FAR1: variants seen among roughly 807,000 people sequenced by gnomAD.
The protein encoded by FAR1 is male sterility domain-containing protein 2.
A neutral mutation model predicts 61.1 loss-of-function variants in FAR1; 22 were observed. That is an observed-to-expected ratio of 0.36 (90% CI 0.26 to 0.51). FAR1 has a LOEUF of 0.51. Ranked by LOEUF, FAR1 falls within the 20% of genes least tolerant of loss-of-function variation. The probability of loss-of-function intolerance (pLI) is 0.95; values close to 1 mark genes in which losing one functional copy is unlikely to be tolerated. For synonymous variants in FAR1, 206 were observed against 209.7 expected (o/e 0.98, Z 0.15); for missense variants, 359 against 626.9 (o/e 0.57, Z 4.56).
In FAR1 at chr11:13,731,035, T is replaced by G. The variant is rs907768072; in HGVS notation, c.*2261T>G. 1 of 152,198 alleles carries G rather than the reference T, an allele frequency of 6.6e-6. No individual in the cohort carries two copies. The highest frequency in any genetic ancestry group is 1.5e-5 in the Non-Finnish European group (1 of 68,010). The allele number at this position is 152,198 out of a possible 1,614,324, so 9.4% of individuals were successfully genotyped here. A position where few individuals can be genotyped will look rare whatever the true frequency, so the allele number is the denominator to read the frequency against. ...GTTTGATTATATTTCCTACACAAACTTCTTATTTAACAGGATAGCCTACTA... is the reference window on the plus strand; with the variant it reads ...GTTTGATTATATTTCCTACACAAACGTCTTATTTAACAGGATAGCCTACTA... On this transcript the variant is annotated 3_prime_UTR_variant, in exon 12 of 12. Coordinates refer to ENST00000354817, the MANE Select transcript of FAR1 (RefSeq NM_032228.6).
intron 2 of FAR1, among the ~76,000 whole-genome samples, chr11:13,699,021 T>C (rs1292457328): frequency 6.6e-6 from 1 of 152,170 alleles, no homozygotes; most frequent in Non-Finnish European, 1.5e-5. Flanking sequence ...TAATGCCTTC[T>C]GATTTCTAAG....
Position 13,731,386 on chromosome 11 carries a change from GTTT to G in FAR1, c.*2615_*2617del, listed in dbSNP as rs1305651687. On this transcript the variant is annotated 3_prime_UTR_variant, in exon 12 of 12. Transcript: ENST00000354817. ...GAATTAACTTGGGATTGTTTTGTGG[GTTT>G]TTGTTTGTTTTAAATGTAAATTGAG... 1 of 152,440 alleles carries G rather than the reference GTTT, an allele frequency of 6.6e-6. No homozygotes were observed. The highest frequency in any genetic ancestry group is 1.5e-5 in the Non-Finnish European group (1 of 67,978). 9.4% of individuals were successfully genotyped at this position (152,440 alleles called of 1,614,324 possible).
At chr11:13,708,556 TAATG>T (rs1256144939) in intron 4 of FAR1, among the ~76,000 whole-genome samples, 3 of 152,002 alleles carry the variant, frequency 2.0e-5, no homozygotes, top group Admixed American at 2.0e-4. Flanking sequence ...AAATAAATGT[TAATG>T]AAGTCAATGT....
intron 1 of FAR1, among the ~76,000 whole-genome samples, chr11:13,681,987 C>T (rs1460782347): frequency 2.0e-5 from 3 of 152,182 alleles, no homozygotes; most frequent in African/African-American, 7.2e-5. Flanking sequence ...CTCTTCTTCA[C>T]TTGTAGTCTT....
chr11:13,726,695 A>G (rs1488213988), intron 10 of FAR1, among the ~76,000 whole-genome samples: 3 of 148,118 alleles, frequency 2.0e-5, no homozygotes, highest in African/African-American at 7.4e-5. Flanking sequence ...GAAAATTTCC[A>G]GGCATTGTCT....
At chr11:13,710,066 T>C (rs1848480640) in intron 4 of FAR1, among the ~76,000 whole-genome samples, 1 of 152,110 alleles carries the variant, frequency 6.6e-6, no homozygotes, top group Admixed American at 6.5e-5. Context: ...AATTTATTTT[T>C]ATTGTTCATC....
intron 1 of FAR1, among the ~76,000 whole-genome samples, chr11:13,673,216 T>C (rs914539048): frequency 6.6e-6 from 1 of 152,222 alleles, no homozygotes; most frequent in African/African-American, 2.4e-5. Flanking sequence ...TATTACAGTC[T>C]CCTAAACAGA....
Position 13,707,999 on chromosome 11 carries a change from T to C in FAR1, c.465T>C (p.Tyr155=), listed in dbSNP as rs1477918875. Residue 155 remains tyrosine (Y), a synonymous_variant, in exon 4 of 12, where the codon TAT becomes TAC. Transcript: ENST00000354817. ...TGTTCATGCATGTATCAACAGCATA[T>C]GCCTACTGTAATCGCAAGCATATTG... ...LEVFMHVSTA[Y]AYCNRKHIDE... The C allele has an allele frequency of 1.9e-6, 3 of 1,608,672 alleles. No individual in the cohort carries two copies. The African/African-American group carries it at 4.0e-5, about 22-fold the overall frequency.
intron 3 of FAR1, 23 bp from the exon 4 acceptor site, chr11:13,707,877 T>C: frequency 6.8e-7 from 1 of 1,461,856 alleles, no homozygotes; most frequent in Non-Finnish European, 9.1e-7. Flanking sequence ...AATTTTCTAT[T>C]GTCACTTTTT....
At chr11:13,697,173 A>C (rs1001546755) in intron 2 of FAR1, among the ~76,000 whole-genome samples, 22 of 151,924 alleles carry the variant, frequency 1.4e-4, no homozygotes, top group Admixed American at 1.4e-3. Flanking sequence ...AAAATAATTG[A>C]TCATGGCCTG....
chr11:13,694,304 C>T (rs947607277), intron 1 of FAR1, among the ~76,000 whole-genome samples: 2 of 152,038 alleles, frequency 1.3e-5, no homozygotes, highest in Non-Finnish European at 2.9e-5. Flanking sequence ...GGTGTTGATA[C>T]GCGAATATGA....
At chr11:13,680,863 C>T (rs1021994575) in intron 1 of FAR1, among the ~76,000 whole-genome samples, 1 of 152,176 alleles carries the variant, frequency 6.6e-6, no homozygotes, top group African/African-American at 2.4e-5. Context: ...TTAATCAAAA[C>T]ATTAAGTGAT....
At chr11:13,690,310 T>TTA (rs1033928819) in intron 1 of FAR1, among the ~76,000 whole-genome samples, 23 of 152,128 alleles carry the variant, frequency 1.5e-4, no homozygotes, top group African/African-American at 4.1e-4. Context: ...AATGTTTTCA[T>TTA]TATATATATA....
intron 5 of FAR1, chr11:13,711,075 CA>C (rs1390167037): frequency 6.0e-6 from 3 of 498,752 alleles, no homozygotes; most frequent in Non-Finnish European, 6.9e-6. Flanking sequence ...AAATGTAGAT[CA>C]ACATTTAAAA....
intron 3 of FAR1, among the ~76,000 whole-genome samples, chr11:13,703,929 A>G (rs1848405214): frequency 1.3e-5 from 2 of 151,838 alleles, no homozygotes; most frequent in African/African-American, 4.8e-5. Context: ...CTGTAATCTC[A>G]GCTGCTTGGG....
chr11:13,688,682 T>C (rs2134175597), intron 1 of FAR1, among the ~76,000 whole-genome samples: 1 of 152,318 alleles, frequency 6.6e-6, no homozygotes, highest in Non-Finnish European at 1.5e-5. Context: ...CTCAAAGAAT[T>C]AGCTGATCTA....
At chr11:13,696,402 T>C (rs1300510582) in intron 2 of FAR1, among the ~76,000 whole-genome samples, 1 of 152,026 alleles carries the variant, frequency 6.6e-6, no homozygotes, top group Non-Finnish European at 1.5e-5. Flanking sequence ...CAGGAGTAGA[T>C]AGGAACAGAT....
intron 1 of FAR1, among the ~76,000 whole-genome samples, chr11:13,684,739 T>C (rs1474617614): frequency 6.6e-6 from 1 of 152,170 alleles, no homozygotes; most frequent in East Asian, 1.9e-4. Flanking sequence ...GTATTGAAAA[T>C]GTTTTCACTA....
At chr11:13,725,098 A>G (rs1848655565) in intron 10 of FAR1, among the ~76,000 whole-genome samples, 1 of 152,132 alleles carries the variant, frequency 6.6e-6, no homozygotes, top group Admixed American at 6.5e-5. Context: ...TCTTCTGTTG[A>G]TAGACATTTG....
Sources: allele counts gnomAD v4.1 joint callset (sites outside exome capture counted in the v4.1 genomes callset), GRCh38; gene constraint gnomAD v4.1.1; transcripts MANE v1.5; gene names NCBI Gene and HGNC (gene_info 2026-07-23, HGNC 2026-07-21).